GAB3: variants seen among roughly 807,000 people sequenced by gnomAD.
GAB3 encodes the protein GRB2-associated-binding protein 3.
In GAB3, 12 loss-of-function variants were observed where a neutral mutation model predicts 40.4. That is an observed-to-expected ratio of 0.30 (90% confidence interval 0.19 to 0.48). The LOEUF is 0.48. GAB3 is among the 20% of genes least tolerant of loss of function. GAB3 has a pLI of 0.99. For missense variants in GAB3, 381 were observed against 461.9 expected (o/e 0.82, Z 1.61); for synonymous variants, 154 against 176.7 (o/e 0.87, Z 1.02).
rs782665963 is a variant in GAB3, at chrX:154,746,937, T to A, written c.72+4017A>T. Among the ~76,000 whole-genome samples, 34 of 113,022 alleles carry A rather than the reference T, an allele frequency of 3.0e-4. No homozygotes were observed. The Admixed American group carries it at 3.1e-3, about 10-fold the overall frequency. ...TACAGTCATTAGTCATTAAACAGCA[T>A]GTTGTTGGCATAAAACAAATAGATC... On this transcript the variant is annotated intron_variant, in intron 1 of 9. Transcript: ENST00000424127.
At chrX:154,703,856 G>A (rs2070770857) in intron 4 of GAB3, among the ~76,000 whole-genome samples, 1 of 110,807 alleles carries the variant, frequency 9.0e-6, no homozygotes, top group Admixed American at 9.6e-5. Flanking sequence ...ACTAAAAATC[G>A]AGCTACCATA....
chrX:154,699,438 C>G lies in GAB3; in HGVS notation c.1201G>C (p.Ala401Pro), dbSNP rs1179878050. 4 of 1,211,567 alleles carry G rather than the reference C, an allele frequency of 3.3e-6. No homozygotes were observed. The South Asian group carries it at 5.3e-5, about 16-fold the overall frequency. Reference protein sequence around the residue: ...EDSYVPMSPQAGASGLGPHCS... With the variant: ...EDSYVPMSPQPGASGLGPHCS... ...TGGGGTCCAAGACCAGAGGCACCAG[C>G]CTGGGGGCTCATGGGCACATAGCTG... Residue 401 changes from alanine to proline, a missense_variant, in exon 6 of 10, where the codon GCT (alanine) becomes CCT (proline). Physicochemically the swap from Ala to Pro is conservative, Grantham distance 27. Coordinates refer to ENST00000424127, the MANE Select transcript of GAB3 (RefSeq NM_001081573.3).
chrX:154,683,433 C>T (rs2070403130), intron 8 of GAB3, among the ~76,000 whole-genome samples: 1 of 111,767 alleles, frequency 8.9e-6, no homozygotes, highest in Admixed American at 9.5e-5. Flanking sequence ...GTCTAGTATC[C>T]CCCAGTGCAG....
rs1603428466 is a variant in GAB3 at position 154,747,055 on chromosome X, G to C, written c.72+3899C>G. ...AGTTTTGCTCTTGTCGCCCAGGCTG[G>C]AGTGCAATGGTGTGATCTCAGCTCA... On this transcript the variant is annotated intron_variant, in intron 1 of 9. Transcript: ENST00000424127. 4.4e-5 allele frequency among the ~76,000 whole-genome samples: 5 copies of C among 112,441 alleles called. No individual in the cohort carries two copies. In the East Asian group the frequency reaches 8.3e-4, roughly 19 times the overall value.
intron 7 of GAB3, 74 bp from the exon 8 acceptor site, chrX:154,696,093 G>A (rs1232120037): frequency 1.8e-6 from 1 of 547,015 alleles, no homozygotes; most frequent in East Asian, 3.6e-5. Context: ...GAACTAACAT[G>A]GCCCTCATGG....
At chrX:154,743,141 A>ATG (rs1383842685) in intron 1 of GAB3, among the ~76,000 whole-genome samples, 20 of 109,814 alleles carry the variant, frequency 1.8e-4, no homozygotes, top group Admixed American at 5.8e-4. Context: ...AAATGTATTA[A>ATG]TGTGTGTGTG....
At chrX:154,697,083 C>T (rs1327838516) in intron 7 of GAB3, 49 bp downstream of exon 7, 1 of 1,029,932 alleles carries the variant, frequency 9.7e-7, no homozygotes, top group African/African-American at 1.9e-5. Flanking sequence ...GCCTAACACA[C>T]ACCGGGGTGT....
intron 4 of GAB3, among the ~76,000 whole-genome samples, chrX:154,701,852 G>A (rs2070743663): frequency 9.0e-6 from 1 of 111,518 alleles, no homozygotes; most frequent in African/African-American, 3.3e-5. Context: ...AATATTGAGG[G>A]AAATTGAAGA....
At chrX:154,690,093 A>T (rs1253836626) in intron 8 of GAB3, among the ~76,000 whole-genome samples, 5 of 109,185 alleles carry the variant, frequency 4.6e-5, no homozygotes, top group African/African-American at 1.3e-4. Context: ...AACAGAACAG[A>T]GCCCTCAGAA....
At chrX:154,715,019 A>T (rs1330542127) in intron 2 of GAB3, among the ~76,000 whole-genome samples, 1 of 112,381 alleles carries the variant, frequency 8.9e-6, no homozygotes, top group Non-Finnish European at 1.9e-5. Flanking sequence ...GAATAGCCTC[A>T]CTTAATATGC....
chrX:154,700,689 C>G lies in GAB3; in HGVS notation c.1070-630G>C, dbSNP rs1371608152. 4.5e-5 allele frequency among the ~76,000 whole-genome samples: 5 copies of G among 111,326 alleles called. No individual in the cohort carries two copies. In the East Asian group the frequency reaches 1.4e-3, roughly 31 times the overall value. ...GTCAGTGAAGTATCTTGAGAAAGAG[C>G]AACCATAGATTAATGAGGAAACTTG... On this transcript the variant is annotated intron_variant, in intron 4 of 9. Transcript: ENST00000424127.
chrX:154,750,795 C>A (rs1210617208), intron 1 of GAB3, among the ~76,000 whole-genome samples, 159 bp downstream of exon 1: 1 of 111,358 alleles, frequency 9.0e-6, no homozygotes, highest in Non-Finnish European at 1.9e-5. Context: ...GCTGGCTCGA[C>A]GTGCGATTTC....
At chrX:154,695,173 C>T (rs1557250351) in intron 8 of GAB3, among the ~76,000 whole-genome samples, 1 of 111,455 alleles carries the variant, frequency 9.0e-6, no homozygotes, top group East Asian at 2.8e-4. Context: ...CTCTTGAGTT[C>T]CCTACATTTC....
intron 1 of GAB3, among the ~76,000 whole-genome samples, chrX:154,717,871 A>C (rs1557257967): frequency 1.8e-5 from 2 of 112,113 alleles, no homozygotes; most frequent in Non-Finnish European, 3.8e-5. Flanking sequence ...AGGGCCAGAT[A>C]GGCCAGCCTG....
In GAB3 at chrX:154,699,498, G is replaced by A. The variant is rs149031152; in HGVS notation, c.1141C>T (p.Pro381Ser). The A allele has an allele frequency of 2.5e-6, 3 of 1,207,461 alleles. No homozygotes were observed. The highest frequency in any genetic ancestry group is 3.5e-5 in the African/African-American group (2 of 57,214). The part of the protein sequence containing the change: ...LSLNLPCRFS[P>S]MYPTASASIE... ...CTGGCTGAAGCTGTGGGGTACATCGGGGAGAACCTGCATGGCTGCAAAAGA... is the reference window on the plus strand; with the variant it reads ...CTGGCTGAAGCTGTGGGGTACATCGAGGAGAACCTGCATGGCTGCAAAAGA... The change falls in exon 6 of 10, where the codon CCG (proline) becomes TCG (serine). Residue 381 changes from proline to serine, a missense_variant. Pro to Ser is a moderately conservative substitution (Grantham distance 74). This residue lies in a region of GAB3 where 364 missense variants were observed against 421.0 expected (regional missense o/e 0.86). Coordinates refer to ENST00000424127, the MANE Select transcript of GAB3 (RefSeq NM_001081573.3).
chrX:154,735,167 G>A (rs782613203), intron 1 of GAB3, among the ~76,000 whole-genome samples: 2 of 112,226 alleles, frequency 1.8e-5, no homozygotes, highest in African/African-American at 6.5e-5. Context: ...CATGTGCAAT[G>A]TATCTTAATG....
intron 4 of GAB3, among the ~76,000 whole-genome samples, chrX:154,702,904 C>T (rs2070758174): frequency 8.9e-6 from 1 of 112,046 alleles, no homozygotes; most frequent in Non-Finnish European, 1.9e-5. Flanking sequence ...CAAAAAAGCT[C>T]AACATCATTG....
intron 2 of GAB3, 86 bp from the exon 3 acceptor site, chrX:154,713,512 C>T (rs2070989730): frequency 1.4e-6 from 1 of 705,475 alleles, no homozygotes; most frequent in Non-Finnish European, 2.2e-6. Context: ...AGAAGCCAAA[C>T]AGAAGATGCA....
intron 6 of GAB3, among the ~76,000 whole-genome samples, chrX:154,698,379 A>G (rs1212659617): frequency 8.9e-6 from 1 of 112,260 alleles, no homozygotes; most frequent in Non-Finnish European, 1.9e-5. Flanking sequence ...CCACCACAGC[A>G]ATACATATGC....
Sources: gnomAD v4.1 joint callset for allele counts (sites outside exome capture counted in the v4.1 genomes callset) on GRCh38, gnomAD v4.1.1 for gene constraint, gnomAD v4.1.1 regional missense constraint, MANE v1.5 for transcripts, NCBI Gene and HGNC (gene_info 2026-07-23, HGNC 2026-07-21) for gene names.